PXDN: variants seen among roughly 807,000 people sequenced by gnomAD.
The protein encoded by PXDN is peroxidasin homolog.
A neutral mutation model predicts 140.3 loss-of-function variants in PXDN; 77 were observed. That is an observed-to-expected ratio of 0.55 (90% CI 0.46 to 0.66). The LOEUF (loss-of-function observed/expected upper bound fraction) is 0.66, where lower values mean the gene tolerates loss of function less well. Ranked by LOEUF, PXDN falls within the 30% of genes least tolerant of loss-of-function variation. The probability of loss-of-function intolerance (pLI) is 0.00; values close to 1 mark genes in which losing one functional copy is unlikely to be tolerated. For missense variants in PXDN, 1,838 were observed against 2,039.5 expected (o/e 0.90, Z 1.90); for synonymous variants, 911 against 857.4 (o/e 1.06, Z -1.09).
intron 14 of PXDN, among the ~76,000 whole-genome samples, chr2:1,659,316 C>T (rs1683249773): frequency 6.6e-6 from 1 of 152,170 alleles, no homozygotes; most frequent in Admixed American, 6.5e-5. Flanking sequence ...TTCAGCTAGG[C>T]AGAAACCTTA....
intron 5 of PXDN, 147 bp downstream of exon 5, chr2:1,683,933 C>T (rs1394841003): frequency 1.1e-6 from 1 of 929,542 alleles, no homozygotes; most frequent in South Asian, 1.6e-5. Flanking sequence ...ATTATAAGTC[C>T]TATTTCCAAA....
intron 6 of PXDN, 109 bp downstream of exon 6, chr2:1,683,545 GAA>G: frequency 2.3e-6 from 1 of 428,700 alleles, no homozygotes; most frequent in South Asian, 4.1e-5. Flanking sequence ...CATTCTTTCA[GAA>G]TCAGATTGTT....
chr2:1,634,042 G>T lies in PXDN; in HGVS notation c.*162C>A. Reference sequence around the variant, plus strand: ...CTCCTTCTCCGCAGATGCTCTGGTTGGAAGCCTCCTGCACTGCCTTCTGTA... The same window carrying T: ...CTCCTTCTCCGCAGATGCTCTGGTTTGAAGCCTCCTGCACTGCCTTCTGTA... On this transcript the variant is annotated 3_prime_UTR_variant, in exon 23 of 23. Transcript: ENST00000252804. 9.1e-7 allele frequency: 1 copy of T among 1,093,966 alleles called. No individual in the cohort carries two copies. The highest frequency in any genetic ancestry group is 1.3e-6 in the Non-Finnish European group (1 of 797,062). 67.8% of individuals were successfully genotyped at this position (1,093,966 alleles called of 1,614,324 possible).
chr2:1,655,009 A>C (rs4853850), intron 14 of PXDN, among the ~76,000 whole-genome samples: 136,631 of 152,086 alleles, frequency 0.9, 61,443 homozygotes, highest in East Asian at 1. Context: ...TTACACAGGG[A>C]AACTCCCTCC....
intron 1 of PXDN, among the ~76,000 whole-genome samples, chr2:1,713,943 C>A (rs1020586669): frequency 1.3e-5 from 2 of 152,248 alleles, no homozygotes; most frequent in African/African-American, 4.8e-5. Context: ...CAGGAAGGCA[C>A]AGGCTCCCAG....
At chr2:1,717,980 T>G (rs1049737004) in intron 1 of PXDN, among the ~76,000 whole-genome samples, 4 of 144,282 alleles carry the variant, frequency 2.8e-5, no homozygotes, top group Admixed American at 1.4e-4. Flanking sequence ...CCAAAGCTAT[T>G]CGACTAACCA....
At chr2:1,657,110 C>T (rs970176872) in intron 14 of PXDN, among the ~76,000 whole-genome samples, 7 of 137,464 alleles carry the variant, frequency 5.1e-5, no homozygotes, top group Admixed American at 3.5e-4. Flanking sequence ...GACAGGGACC[C>T]GAACTCTTTA....
intron 8 of PXDN, among the ~76,000 whole-genome samples, chr2:1,674,269 G>A (rs1683644986): frequency 6.6e-6 from 1 of 152,200 alleles, no homozygotes; most frequent in Non-Finnish European, 1.5e-5. Flanking sequence ...GAGCGCAGCG[G>A]TATAACCATT....
intron 9 of PXDN, among the ~76,000 whole-genome samples, chr2:1,667,738 C>T (rs1683479205): frequency 6.6e-6 from 1 of 152,194 alleles, no homozygotes; most frequent in African/African-American, 2.4e-5. Context: ...AGGAATACAA[C>T]TTACACAGGA....
chr2:1,698,976 T>C (rs767885782), intron 1 of PXDN, among the ~76,000 whole-genome samples: 2 of 152,216 alleles, frequency 1.3e-5, no homozygotes, highest in Admixed American at 6.5e-5. Context: ...TTTGTTTTGC[T>C]GTAATGTTTC....
rs758205094 is a variant in PXDN, at chr2:1,740,925, C to T, written c.200+3331G>A. On this transcript the variant is annotated intron_variant, in intron 1 of 22. Coordinates refer to ENST00000252804, the MANE Select transcript of PXDN (RefSeq NM_012293.3). ...TTCTCTGCAATGCGACCTCCCTGAG[C>T]CCACCCCAAGCTCCACATGCCCAGA... Among the ~76,000 whole-genome samples, 344 of 152,336 alleles carry T rather than the reference C, an allele frequency of 2.3e-3. 2 individuals are homozygous for T. The highest frequency in any genetic ancestry group is 2.6e-3 in the Non-Finnish European group (175 of 68,040).
Position 1,680,104 on chromosome 2 carries a change from A to C in PXDN, c.730+89T>G, listed in dbSNP as rs1683853887. ...GTAAATGTGTGTGTGTGGTGTGTGGATGTTGTGTGTGTAGATGGTGTGTGT... is the reference window on the plus strand; with the variant it reads ...GTAAATGTGTGTGTGTGGTGTGTGGCTGTTGTGTGTGTAGATGGTGTGTGT... On this transcript the variant is annotated intron_variant, in intron 7 of 22. Coordinates refer to ENST00000252804, the MANE Select transcript of PXDN (RefSeq NM_012293.3). 4.1e-5 allele frequency: 57 copies of C among 1,401,500 alleles called. No homozygotes were observed. In the South Asian group the frequency reaches 7.6e-4, roughly 19 times the overall value. The allele number at this position is 1,401,500 out of a possible 1,614,324, so 86.8% of individuals were successfully genotyped here.
Position 1,649,037 on chromosome 2 carries a change from C to G in PXDN, c.2743G>C (p.Val915Leu). 1 of 1,612,610 alleles carries G rather than the reference C, an allele frequency of 6.2e-7. No homozygotes were observed. The highest frequency in any genetic ancestry group is 8.5e-7 in the Non-Finnish European group (1 of 1,179,716). The change falls in exon 17 of 23, where the codon GTG becomes CTG. Residue 915 changes from valine (V) to leucine (L), a missense_variant. Coordinates refer to ENST00000252804, the MANE Select transcript of PXDN (RefSeq NM_012293.3). The surrounding 1 kb of genome is among the most constrained non-coding windows in gnomAD (Gnocchi z 7.1). ...QLTSYIDASN[V>L]YGSTEHEARS... ...GCCTCATGCTCCGTGCTCCCGTACACGTTGGATGCGTCTATGTAGGAGGTG... is the reference window on the plus strand; with the variant it reads ...GCCTCATGCTCCGTGCTCCCGTACAGGTTGGATGCGTCTATGTAGGAGGTG...
intron 21 of PXDN, 57 bp downstream of exon 21, chr2:1,638,789 G>A: frequency 1.2e-6 from 2 of 1,609,962 alleles, no homozygotes; most frequent in Non-Finnish European, 1.7e-6. Context: ...GGTTCGGGCA[G>A]GGCTGTGCTG....
In PXDN at chr2:1,716,118, T is replaced by TCA. The variant is rs1161781625; in HGVS notation, c.201-22985_201-22984insTG. On this transcript the variant is annotated intron_variant, in intron 1 of 22. Coordinates refer to ENST00000252804, the MANE Select transcript of PXDN (RefSeq NM_012293.3). ...TCCTGGACAGATGCCTGGGCCTCTCTGAGCCTCAGTGTACGTATCTATAAA... is the reference window on the plus strand; with the variant it reads ...TCCTGGACAGATGCCTGGGCCTCTCTCAGAGCCTCAGTGTACGTATCTATAAA... Among the ~76,000 whole-genome samples the TCA allele has an allele frequency of 7.2e-5, 11 of 152,126 alleles. No homozygotes were observed. The East Asian group carries it at 2.1e-3, about 29-fold the overall frequency.
intron 1 of PXDN, among the ~76,000 whole-genome samples, chr2:1,730,349 G>A (rs1685284574): frequency 6.6e-6 from 1 of 152,202 alleles, no homozygotes; most frequent in African/African-American, 2.4e-5. Context: ...GTGGCAAACA[G>A]GCCTGGCAGA....
chr2:1,719,203 G>C (rs369265478), intron 1 of PXDN, among the ~76,000 whole-genome samples: 1 of 152,146 alleles, frequency 6.6e-6, no homozygotes, highest in Non-Finnish European at 1.5e-5. Flanking sequence ...CCTGCTCCCC[G>C]TGTGGGAACA....
chr2:1,682,694 G>C (rs1407944646), intron 6 of PXDN, among the ~76,000 whole-genome samples: 5 of 152,196 alleles, frequency 3.3e-5, no homozygotes, highest in African/African-American at 1.2e-4. Flanking sequence ...AATCCCAGCA[G>C]TTTGGGAGCC....
intron 6 of PXDN, among the ~76,000 whole-genome samples, chr2:1,681,301 C>T (rs1020764197): frequency 6.6e-6 from 1 of 152,020 alleles, no homozygotes. Context: ...CTGAGGGTCT[C>T]TATTTCCCTT....
Sources: gnomAD v4.1 joint callset for allele counts (sites outside exome capture counted in the v4.1 genomes callset) on GRCh38, gnomAD v4.1.1 for gene constraint, Gnocchi (gnomAD v3.1) non-coding constraint, MANE v1.5 for transcripts, NCBI Gene and HGNC (gene_info 2026-07-23, HGNC 2026-07-21) for gene names.